Variants in BMAL1 observed in about 807,000 individuals in gnomAD.
BMAL1 encodes the protein basic helix-loop-helix ARNT like 1.
chr11:13,337,575 C>T, the BMAL1 span, among the ~76,000 whole-genome samples: 1 of 152,170 alleles, frequency 6.6e-6, no homozygotes, highest in African/African-American at 2.4e-5. Context: ...AGTGTACTGA[C>T]CTGCCCATTT....
At chr11:13,354,206 C>G in the BMAL1 span, 1 of 880,510 alleles carries the variant, frequency 1.1e-6, no homozygotes, top group Non-Finnish European at 1.6e-6. Flanking sequence ...CCCGGCCCCC[C>G]ACCACCAAAC....
chr11:13,304,660 G>C, the BMAL1 span, among the ~76,000 whole-genome samples: 2 of 152,148 alleles, frequency 1.3e-5, no homozygotes, highest in Non-Finnish European at 2.9e-5. Flanking sequence ...TGGGGTCTTT[G>C]GGTCAAACCT....
At chr11:13,369,445 A>C in the BMAL1 span, among the ~76,000 whole-genome samples, 1 of 152,192 alleles carries the variant, frequency 6.6e-6, no homozygotes, top group Non-Finnish European at 1.5e-5. Flanking sequence ...CCAGACTGAC[A>C]ACACACCTGT....
At chr11:13,375,575 G>A in the BMAL1 span, 3 of 1,518,598 alleles carry the variant, frequency 2.0e-6, no homozygotes, top group Non-Finnish European at 2.6e-6. Flanking sequence ...TTTGGTCTGA[G>A]AAAACAACAA....
chr11:13,348,253 C>T, the BMAL1 span, among the ~76,000 whole-genome samples: 2 of 152,170 alleles, frequency 1.3e-5, no homozygotes, highest in Non-Finnish European at 2.9e-5. Context: ...GAACTCTTGT[C>T]TTTTAGTCTG....
chr11:13,303,928 A>G, the BMAL1 span, among the ~76,000 whole-genome samples: 3 of 152,164 alleles, frequency 2.0e-5, no homozygotes, highest in African/African-American at 7.2e-5. Flanking sequence ...GAAGTGAGCT[A>G]TGTGTTTAGC....
the BMAL1 span, chr11:13,357,097 G>A: frequency 6.2e-7 from 1 of 1,614,180 alleles, no homozygotes; most frequent in Non-Finnish European, 8.5e-7. The surrounding 1 kb of genome is among the most constrained non-coding windows in gnomAD (Gnocchi z 4.8). Flanking sequence ...AAAATGCAAG[G>A]TAAGCTTGGA....
chr11:13,365,282 AACACACACACACACACAC>A, the BMAL1 span: 21 of 182,824 alleles, frequency 1.1e-4, no homozygotes, highest in East Asian at 4.9e-4. Flanking sequence ...GATATGCAGA[AACACACACACACACACAC>A]ACACACACAC....
chr11:13,368,129 T>C, the BMAL1 span, among the ~76,000 whole-genome samples: 2 of 152,182 alleles, frequency 1.3e-5, no homozygotes, highest in Admixed American at 6.5e-5. Flanking sequence ...GAGAAAAATA[T>C]GAATGGCATT....
the BMAL1 span, among the ~76,000 whole-genome samples, chr11:13,337,517 C>T: frequency 1.3e-5 from 2 of 152,078 alleles, no homozygotes; most frequent in Non-Finnish European, 2.9e-5. Context: ...TTAATTTAGG[C>T]ATGAAATTAC....
chr11:13,345,532 T>G, the BMAL1 span, among the ~76,000 whole-genome samples: 2 of 152,232 alleles, frequency 1.3e-5, no homozygotes, highest in Non-Finnish European at 2.9e-5. Context: ...GAATGCTTGC[T>G]TTTTATGTTT....
the BMAL1 span, chr11:13,356,256 G>A: frequency 2.2e-6 from 1 of 457,424 alleles, no homozygotes; most frequent in South Asian, 1.5e-5. Context: ...TACTTTGTTG[G>A]TACTTTAATT....
At chr11:13,340,565 A>C in the BMAL1 span, among the ~76,000 whole-genome samples, 4 of 152,238 alleles carry the variant, frequency 2.6e-5, no homozygotes, top group Admixed American at 1.3e-4. Context: ...GCTTCCTGCT[A>C]TGAAATGCTG....
chr11:13,305,555 T>C, the BMAL1 span, among the ~76,000 whole-genome samples: 1 of 152,226 alleles, frequency 6.6e-6, no homozygotes, highest in African/African-American at 2.4e-5. Flanking sequence ...AAATAGGGAT[T>C]GTTTCATTTC....
the BMAL1 span, among the ~76,000 whole-genome samples, chr11:13,363,354 C>G: frequency 6.6e-6 from 1 of 152,026 alleles, no homozygotes; most frequent in South Asian, 2.1e-4. Context: ...CTAAATACTT[C>G]ATGTTGGGCT....
At chr11:13,303,375 A>G in the BMAL1 span, among the ~76,000 whole-genome samples, 2 of 152,242 alleles carry the variant, frequency 1.3e-5, no homozygotes, top group Non-Finnish European at 2.9e-5. Context: ...CATATAATAA[A>G]TGACATATAC....
the BMAL1 span, chr11:13,372,339 A>G: frequency 6.2e-7 from 1 of 1,614,066 alleles, no homozygotes; most frequent in African/African-American, 1.3e-5. Context: ...GAACGGGGAA[A>G]TCAGGGTGAA....
the BMAL1 span, among the ~76,000 whole-genome samples, chr11:13,307,874 G>A: frequency 2.0e-5 from 3 of 152,290 alleles, no homozygotes; most frequent in Admixed American, 6.5e-5. Flanking sequence ...AGGCACATTC[G>A]TCCTTTTGGC....
chr11:13,369,709 C>T, the BMAL1 span: 2 of 1,614,134 alleles, frequency 1.2e-6, no homozygotes, highest in Non-Finnish European at 1.7e-6. Context: ...TGAAGTGTAA[C>T]AGGCCTTCAG....
Sources: allele counts gnomAD v4.1 joint callset (sites outside exome capture counted in the v4.1 genomes callset), GRCh38; gene constraint gnomAD v4.1.1; non-coding constraint Gnocchi (gnomAD v3.1); transcripts MANE v1.5; gene names NCBI Gene and HGNC (gene_info 2026-07-23, HGNC 2026-07-21).